The following NDUFA9 variants were observed in gnomAD, a reference collection of about 807,000 sequenced individuals.
NDUFA9 encodes NADH:ubiquinone oxidoreductase subunit A9.
Under a neutral mutation model 45.9 loss-of-function variants are expected in NDUFA9, and 23 were observed. The observed-to-expected ratio is 0.50, with a 90% CI of 0.36 to 0.71. The LOEUF (loss-of-function observed/expected upper bound fraction) is 0.71. Ranked by LOEUF, NDUFA9 falls within the 30% of genes least tolerant of loss-of-function variation. The pLI, the probability that NDUFA9 is intolerant of heterozygous loss-of-function variation, is 0.00. For missense variants in NDUFA9, 466 were observed against 488.2 expected (o/e 0.95, Z 0.43); for synonymous variants, 176 against 170.5 (o/e 1.03, Z -0.25).
chr12:4,676,751 T>A (rs1945922282), intron 8 of NDUFA9, among the ~76,000 whole-genome samples: 1 of 152,198 alleles, frequency 6.6e-6, no homozygotes, highest in Non-Finnish European at 1.5e-5. Flanking sequence ...TTCAGTGCTA[T>A]CCCCATCAAA....
chr12:4,684,517 C>T (rs921704840), intron 9 of NDUFA9, among the ~76,000 whole-genome samples: 2 of 152,134 alleles, frequency 1.3e-5, no homozygotes, highest in African/African-American at 4.8e-5. Flanking sequence ...CACCTGTAGT[C>T]CCAGCTACTT....
At chr12:4,685,182 T>C in intron 9 of NDUFA9, 77 bp from the exon 10 acceptor site, 1 of 1,290,076 alleles carries the variant, frequency 7.8e-7, no homozygotes, top group East Asian at 2.3e-5. Flanking sequence ...TCTGTCTTCC[T>C]GCAGTTCTCA....
At position 4,662,518 on chromosome 12, in the gene NDUFA9, T is replaced by G. The variant is rs1354618146; in HGVS notation, c.553-15T>G. ...GTCTCTAAACTCAAAACAGGTTTGT[T>G]TGGTTATTGTTTAGGCTGTTGGAGA... On this transcript the variant is annotated splice_polypyrimidine_tract_variant and intron_variant, in intron 5 of 10. Transcript: ENST00000266544. 1 of 1,603,472 alleles carries G rather than the reference T, an allele frequency of 6.2e-7. No homozygotes were observed. Among genetic ancestry groups the G allele is most frequent in the Non-Finnish European group, 8.5e-7 (1 of 1,170,616 alleles).
At chr12:4,685,594 G>A (rs1053295477) in intron 10 of NDUFA9, among the ~76,000 whole-genome samples, 1 of 152,038 alleles carries the variant, frequency 6.6e-6, no homozygotes, top group Non-Finnish European at 1.5e-5. Flanking sequence ...CCCTGCCAAA[G>A]CCTCTCTTCC....
chr12:4,663,342 A>G (rs1473148605), intron 6 of NDUFA9, among the ~76,000 whole-genome samples: 1 of 152,054 alleles, frequency 6.6e-6, no homozygotes, highest in Non-Finnish European at 1.5e-5. Flanking sequence ...AAAATTTCCC[A>G]TCTGCTATGG....
At chr12:4,657,386 T>A (rs1945796728) in intron 3 of NDUFA9, 1 of 187,918 alleles carries the variant, frequency 5.3e-6, no homozygotes, top group Admixed American at 5.8e-5. Flanking sequence ...TCCTTGCTTC[T>A]TTGTCTGTAT....
chr12:4,683,509 A>G (rs1945966484), intron 9 of NDUFA9, among the ~76,000 whole-genome samples: 1 of 152,228 alleles, frequency 6.6e-6, no homozygotes, highest in Admixed American at 6.5e-5. Flanking sequence ...AAAACTCAAA[A>G]ATCTTATGGT....
Position 4,659,123 on chromosome 12 carries a change from T to C in NDUFA9, c.498T>C (p.His166=), listed in dbSNP as rs773928227. 9.3e-6 allele frequency: 15 copies of C among 1,610,506 alleles called. No individual in the cohort carries two copies. The highest frequency in any genetic ancestry group is 2.2e-5 in the East Asian group (1 of 44,846). Residue 166 remains histidine (H), a synonymous_variant, in exon 5 of 11, where the codon CAT becomes CAC. Transcript: ENST00000266544. ...AAGCTGGAGTTGAAAAATTCATTCA[T>C]GTTTCACATCTGAATGCGAATATTA... The part of the protein sequence containing the change: ...SKEAGVEKFI[H]VSHLNANIKS...
intron 5 of NDUFA9, among the ~76,000 whole-genome samples, chr12:4,659,797 G>A (rs1945813585): frequency 6.6e-6 from 1 of 152,150 alleles, no homozygotes; most frequent in Non-Finnish European, 1.5e-5. Context: ...TCTGCCATAT[G>A]GAAGCCTGTT....
At chr12:4,679,903 A>G (rs1945942478) in intron 8 of NDUFA9, among the ~76,000 whole-genome samples, 1 of 152,220 alleles carries the variant, frequency 6.6e-6, no homozygotes, top group African/African-American at 2.4e-5. Context: ...GGCCGACAGA[A>G]AAGGAGCAAA....
chr12:4,666,301 A>G (rs1945852893), intron 6 of NDUFA9, among the ~76,000 whole-genome samples: 1 of 152,140 alleles, frequency 6.6e-6, no homozygotes, highest in Admixed American at 6.5e-5. Context: ...CTTATCAGAT[A>G]TGTGATTTGT....
intron 9 of NDUFA9, 196 bp from the exon 10 acceptor site, chr12:4,685,063 C>T (rs772715278): frequency 3.6e-5 from 25 of 693,254 alleles, no homozygotes; most frequent in Non-Finnish European, 5.0e-5. Flanking sequence ...TTACAGCAGC[C>T]GACTGGGTTG....
chr12:4,675,928 C>T (rs549989008), intron 8 of NDUFA9, among the ~76,000 whole-genome samples: 1 of 152,070 alleles, frequency 6.6e-6, no homozygotes, highest in South Asian at 2.1e-4. Flanking sequence ...AGCAGCACAT[C>T]AAAAAACTTA....
At chr12:4,670,667 T>C (rs1473076454) in intron 8 of NDUFA9, among the ~76,000 whole-genome samples, 1 of 152,242 alleles carries the variant, frequency 6.6e-6, no homozygotes, top group Non-Finnish European at 1.5e-5. Context: ...CATAATTTTT[T>C]TCAGTGTGAA....
chr12:4,685,991 A>T (rs1344941010), intron 10 of NDUFA9, among the ~76,000 whole-genome samples: 1 of 152,264 alleles, frequency 6.6e-6, no homozygotes, highest in Non-Finnish European at 1.5e-5. Flanking sequence ...TGTAGAGAAG[A>T]TGAGAAAGTA....
intron 4 of NDUFA9, 42 bp from the exon 5 acceptor site, chr12:4,658,994 G>A: frequency 6.3e-7 from 1 of 1,575,322 alleles, no homozygotes; most frequent in Non-Finnish European, 8.7e-7. Flanking sequence ...GAGATCCTGT[G>A]TGTGGAGTTC....
chr12:4,675,067 C>T (rs901800630), intron 8 of NDUFA9, among the ~76,000 whole-genome samples: 10 of 152,154 alleles, frequency 6.6e-5, no homozygotes, highest in South Asian at 2.1e-4. Flanking sequence ...TGAATGACTA[C>T]GGGCTAAATA....
At chr12:4,649,326 C>T (rs922783217) in intron 1 of NDUFA9, 151 bp downstream of exon 1, 8 of 880,454 alleles carry the variant, frequency 9.1e-6, no homozygotes, top group African/African-American at 5.0e-5. Context: ...CTGGTTTCTC[C>T]TTTCGCTTTC....
chr12:4,675,480 C>T (rs1242947536), intron 8 of NDUFA9, among the ~76,000 whole-genome samples: 2 of 152,082 alleles, frequency 1.3e-5, no homozygotes, highest in Non-Finnish European at 2.9e-5. Flanking sequence ...AAGGGGATAT[C>T]ACCACTGATC....
Sources: gnomAD v4.1 joint callset for allele counts (sites outside exome capture counted in the v4.1 genomes callset) on GRCh38, gnomAD v4.1.1 for gene constraint, MANE v1.5 for transcripts, NCBI Gene and HGNC (gene_info 2026-07-23, HGNC 2026-07-21) for gene names.